The following KDM6A variants were observed in gnomAD, a reference collection of about 807,000 sequenced individuals.
KDM6A encodes the protein lysine-specific demethylase 6A.
KDM6A carries 11 observed loss-of-function variants against 117.6 expected under a neutral mutation model. The ratio of observed to expected loss-of-function variants is 0.09; its 90% CI spans 0.06 to 0.15. The LOEUF (loss-of-function observed/expected upper bound fraction) is 0.15, where lower values mean the gene tolerates loss of function less well. KDM6A is among the 10% of genes least tolerant of loss of function. The pLI is 1.00. For synonymous variants in KDM6A, 384 were observed against 396.1 expected (o/e 0.97, Z 0.36); for missense variants, 799 against 1,077.3 (o/e 0.74, Z 3.62).
intron 27 of KDM6A, among the ~76,000 whole-genome samples, chrX:45,097,863 A>T: frequency 8.9e-6 from 1 of 112,015 alleles, no homozygotes; most frequent in Admixed American, 9.5e-5. Flanking sequence ...GCTAAAATAC[A>T]TTAATCATAT....
intron 2 of KDM6A, among the ~76,000 whole-genome samples, chrX:44,953,535 T>A (rs2038141842): frequency 8.9e-6 from 1 of 112,206 alleles, no homozygotes; most frequent in South Asian, 3.7e-4. Flanking sequence ...GAAAAGTATA[T>A]GTGCTTACAT....
At chrX:45,092,526 G>C (rs1023203104) in intron 27 of KDM6A, among the ~76,000 whole-genome samples, 13 of 111,070 alleles carry the variant, frequency 1.2e-4, no homozygotes, top group Admixed American at 6.7e-4. Context: ...ATATATTTAG[G>C]ATTTCTGCAG....
At chrX:44,875,516 C>T (rs1368292617) in intron 2 of KDM6A, among the ~76,000 whole-genome samples, 3 of 109,536 alleles carry the variant, frequency 2.7e-5, no homozygotes, top group African/African-American at 1.0e-4. Flanking sequence ...CAGTGACTAG[C>T]TCTGGAAAGA....
intron 3 of KDM6A, among the ~76,000 whole-genome samples, chrX:44,969,519 G>A (rs1207109457): frequency 1.0e-5 from 1 of 97,558 alleles, no homozygotes; most frequent in African/African-American, 3.8e-5. Flanking sequence ...CCGGGTTCAC[G>A]CCATTCTCCT....
chrX:45,011,250 CTGTT>C (rs1387748221), intron 5 of KDM6A, among the ~76,000 whole-genome samples: 1 of 111,521 alleles, frequency 9.0e-6, no homozygotes, highest in Non-Finnish European at 1.9e-5. Flanking sequence ...GTATAAGATT[CTGTT>C]GAAGAAGGCT....
At chrX:45,090,367 G>T (rs1054131993) in intron 26 of KDM6A, among the ~76,000 whole-genome samples, 2 of 112,032 alleles carry the variant, frequency 1.8e-5, no homozygotes, top group Non-Finnish European at 3.8e-5. Context: ...GAAAGACCTG[G>T]ATTAGGACCA....
At chrX:44,875,340 A>G (rs2031394842) in intron 2 of KDM6A, among the ~76,000 whole-genome samples, 1 of 111,962 alleles carries the variant, frequency 8.9e-6, no homozygotes, top group Non-Finnish European at 1.9e-5. Context: ...ATTTGTTTTT[A>G]TTTCAAAGTA....
chrX:45,058,933 T>C, intron 10 of KDM6A, 73 bp from the exon 11 acceptor site: 1 of 964,100 alleles, frequency 1.0e-6, no homozygotes, highest in South Asian at 2.0e-5. Flanking sequence ...TAGTCCATCC[T>C]TTCAGCCGAT....
At chrX:44,888,791 T>C (rs1412213481) in intron 2 of KDM6A, among the ~76,000 whole-genome samples, 26 of 111,932 alleles carry the variant, frequency 2.3e-4, no homozygotes, top group Non-Finnish European at 1.9e-5. Flanking sequence ...TTTAAAATTC[T>C]AGGCATAATC....
intron 2 of KDM6A, among the ~76,000 whole-genome samples, chrX:44,878,289 A>G (rs1173450855): frequency 4.5e-5 from 5 of 111,750 alleles, no homozygotes; most frequent in Non-Finnish European, 9.4e-5. Context: ...CAGATTAGGG[A>G]TGCTCAACCT....
rs2046780154 is a variant in KDM6A at position 45,111,924 on chromosome X, A to G, written c.*513A>G. The G allele has an allele frequency of 1.2e-5, 2 of 172,783 alleles. No individual in the cohort carries two copies. The highest frequency in any genetic ancestry group is 2.2e-5 in the Non-Finnish European group (2 of 89,909). 14.2% of individuals were successfully genotyped at this position (172,783 alleles called of 1,213,427 possible). On this transcript the variant is annotated 3_prime_UTR_variant, in exon 30 of 30. Transcript: ENST00000611820. ...TTTTCTGTCTTGTTTTGAGACCATG[A>G]TGGTTACACTTTTGGTTCCTAAATA... is the stretch of plus-strand genomic sequence containing the variant.
At chrX:44,988,335 C>T (rs964130987) in intron 4 of KDM6A, among the ~76,000 whole-genome samples, 1 of 110,507 alleles carries the variant, frequency 9.0e-6, no homozygotes, top group African/African-American at 3.3e-5. Flanking sequence ...AGGTTTTTAA[C>T]TTCTTTGCCA....
intron 2 of KDM6A, among the ~76,000 whole-genome samples, chrX:44,916,803 A>T (rs1244411192): frequency 9.2e-6 from 1 of 108,228 alleles, no homozygotes. Flanking sequence ...ACACTACAAC[A>T]CCTGACTAAT....
At chrX:44,975,450 C>T (rs1193456635) in intron 4 of KDM6A, among the ~76,000 whole-genome samples, 1 of 110,135 alleles carries the variant, frequency 9.1e-6, no homozygotes, top group Admixed American at 9.7e-5. Context: ...CAACAGTCAG[C>T]CTATGCAGAG....
chrX:44,947,840 G>GTT (rs1262464846), intron 2 of KDM6A, among the ~76,000 whole-genome samples: 1 of 111,753 alleles, frequency 8.9e-6, no homozygotes, highest in East Asian at 2.8e-4. Flanking sequence ...GTTCTGAGCG[G>GTT]TTATCTTATT....
chrX:45,099,206 A>G (rs766327485), intron 27 of KDM6A, among the ~76,000 whole-genome samples: 1 of 111,203 alleles, frequency 9.0e-6, no homozygotes, highest in East Asian at 2.8e-4. Flanking sequence ...TACCTGTAAT[A>G]CGATTTACCA....
intron 24 of KDM6A, among the ~76,000 whole-genome samples, chrX:45,085,251 C>T (rs776911931): frequency 1.8e-5 from 2 of 111,764 alleles, no homozygotes; most frequent in South Asian, 7.6e-4. Flanking sequence ...GTAATGATAT[C>T]TATAATAGCT....
intron 9 of KDM6A, among the ~76,000 whole-genome samples, chrX:45,053,237 T>A (rs750415044): frequency 9.0e-6 from 1 of 110,629 alleles, no homozygotes; most frequent in Non-Finnish European, 1.9e-5. Context: ...ATCAAGACCA[T>A]CTGGGCCAAC....
intron 2 of KDM6A, among the ~76,000 whole-genome samples, chrX:44,904,550 A>G (rs557545089): frequency 2.7e-5 from 3 of 112,194 alleles, no homozygotes; most frequent in Non-Finnish European, 3.8e-5. Context: ...TAAGCTAAAC[A>G]ATTCCCTGGA....
Sources: allele counts gnomAD v4.1 joint callset (sites outside exome capture counted in the v4.1 genomes callset), GRCh38; gene constraint gnomAD v4.1.1; transcripts MANE v1.5; gene names NCBI Gene and HGNC (gene_info 2026-07-23, HGNC 2026-07-21).